The following AFDN variants were observed in gnomAD, a reference collection of about 807,000 sequenced individuals.
AFDN encodes afadin.
A neutral mutation model predicts 216.6 loss-of-function variants in AFDN; 68 were observed. The observed-to-expected ratio is 0.31, with a 90% CI of 0.26 to 0.38. The LOEUF (loss-of-function observed/expected upper bound fraction) is 0.38. Among genes scored for constraint, AFDN ranks in the 10% least tolerant of loss-of-function variants. The pLI is 1.00. For synonymous variants in AFDN, 868 were observed against 853.7 expected, an observed-to-expected ratio of 1.02 and a Z score of -0.29; for missense variants, 2,136 against 2,342.0, an observed-to-expected ratio of 0.91 and a Z score of 1.82.
intron 11 of AFDN, among the ~76,000 whole-genome samples, chr6:167,901,199 A>G (rs1172359545): frequency 6.6e-6 from 1 of 152,184 alleles, no homozygotes; most frequent in Non-Finnish European, 1.5e-5. Flanking sequence ...ATATTTTTCA[A>G]GTATTATAAC....
Position 167,925,035 on chromosome 6 carries a change from A to G in AFDN, c.3043A>G (p.Ile1015Val). The G allele has an allele frequency of 6.2e-7, 1 of 1,613,978 alleles. No individual in the cohort carries two copies. Among genetic ancestry groups the G allele is most frequent in the Non-Finnish European group, 8.5e-7 (1 of 1,179,850 alleles). Residue 1015 changes from isoleucine to valine, a missense_variant, in exon 23 of 34, where the codon ATC becomes GTC. Transcript: ENST00000683244. ...GCCTCTGAGGAAAGAACCTGAAATA[A>G]TCACTGTGACCCTAAAAAAGCAGAA... ...AQPLRKEPEI[I>V]TVTLKKQNGM...
At chr6:167,917,054 G>A (rs748484948) in intron 19 of AFDN, 35 bp from the exon 20 acceptor site, 8 of 1,585,998 alleles carry the variant, frequency 5.0e-6, no homozygotes, top group African/African-American at 2.7e-5. Flanking sequence ...AACTTTACAA[G>A]TGTGATATTT....
Position 167,872,365 on chromosome 6 carries a change from A to G in AFDN, c.566A>G (p.Gln189Arg). 1.2e-6 allele frequency: 2 copies of G among 1,609,324 alleles called. No individual in the cohort carries two copies. Among genetic ancestry groups the G allele is most frequent in the East Asian group, 2.2e-5 (1 of 44,840 alleles). The change falls in exon 4 of 34, where the codon CAA becomes CGA. Residue 189 changes from glutamine (Q) to arginine (R), a missense_variant. By Grantham distance (43) the Gln-to-Arg change is conservative (BLOSUM62 1). Transcript: ENST00000683244. Reference sequence around the variant, plus strand: ...TCTGATAAAGATGATAGACCTTTCCAAGGGGAGGATGTGTAAGTCAGTTTT... The same window carrying G: ...TCTGATAAAGATGATAGACCTTTCCGAGGGGAGGATGTGTAAGTCAGTTTT... Reference protein sequence around the residue: ...QASDKDDRPFQGEDVENSRLA... With the variant: ...QASDKDDRPFRGEDVENSRLA...
chr6:167,836,512 T>G (rs985013277), intron 1 of AFDN, among the ~76,000 whole-genome samples: 2 of 152,172 alleles, frequency 1.3e-5, no homozygotes, highest in African/African-American at 4.8e-5. Flanking sequence ...TTTTAATACT[T>G]CAAAATAATA....
chr6:167,878,978 C>T (rs1244826048), intron 5 of AFDN, among the ~76,000 whole-genome samples: 2 of 152,158 alleles, frequency 1.3e-5, no homozygotes, highest in African/African-American at 4.8e-5. Context: ...TTTCTCACAA[C>T]CTTATATTTT....
In AFDN at chr6:167,834,441, T is replaced by C. The variant is rs896091180; in HGVS notation, c.105+7204T>C. On this transcript the variant is annotated intron_variant, in intron 1 of 33. Coordinates refer to ENST00000683244, the MANE Select transcript of AFDN (RefSeq NM_001386888.1). ...TGCCATTAATTGGAATGATTTTTGT[T>C]GTTGTTGTTGTTTCGGTTTTTTTTT... Among the ~76,000 whole-genome samples the C allele has an allele frequency of 4.7e-5, 7 of 149,950 alleles. No individual in the cohort carries two copies. The Admixed American group carries it at 4.7e-4, about 10-fold the overall frequency.
chr6:167,947,581 T>C (rs1795468443), intron 27 of AFDN, among the ~76,000 whole-genome samples: 1 of 152,238 alleles, frequency 6.6e-6, no homozygotes, highest in African/African-American at 2.4e-5. Flanking sequence ...AGTATTTACT[T>C]TCTGGCCTAT....
At chr6:167,905,836 T>G (rs1196428124) in intron 12 of AFDN, among the ~76,000 whole-genome samples, 2 of 152,214 alleles carry the variant, frequency 1.3e-5, no homozygotes, top group Non-Finnish European at 2.9e-5. Context: ...CCGGATGTGG[T>G]GGCTCACGCC....
chr6:167,890,556 T>G (rs998824009), intron 7 of AFDN, among the ~76,000 whole-genome samples: 1 of 152,232 alleles, frequency 6.6e-6, no homozygotes, highest in South Asian at 2.1e-4. Flanking sequence ...TAGAGTTGTT[T>G]ACTAATGTAA....
At chr6:167,858,407 T>A (rs1358254749) in intron 1 of AFDN, among the ~76,000 whole-genome samples, 1 of 152,210 alleles carries the variant, frequency 6.6e-6, no homozygotes, top group Non-Finnish European at 1.5e-5. Context: ...GGATGGATTT[T>A]TGTTAGAGTT....
chr6:167,828,339 T>A (rs1242780223), intron 1 of AFDN, among the ~76,000 whole-genome samples: 2 of 152,236 alleles, frequency 1.3e-5, no homozygotes, highest in Non-Finnish European at 2.9e-5. Context: ...TTTGAGAGAA[T>A]TTGACTATTG....
At chr6:167,827,323 G>A in intron 1 of AFDN, 86 bp downstream of exon 1, 1 of 348,872 alleles carries the variant, frequency 2.9e-6, no homozygotes, top group Non-Finnish European at 3.5e-6. Flanking sequence ...CCCGCCAGCC[G>A]CGGACCCGCC....
intron 29 of AFDN, among the ~76,000 whole-genome samples, chr6:167,949,820 T>C (rs2128673328): frequency 6.7e-6 from 1 of 149,588 alleles, no homozygotes; most frequent in African/African-American, 2.5e-5. Flanking sequence ...CGTCTTCACA[T>C]TTATAGTATA....
rs759864399 is a variant in AFDN at position 167,951,247 on chromosome 6, G to A, written c.3893G>A (p.Arg1298Gln). The change falls in exon 30 of 34, where the codon CGA (arginine) becomes CAA (glutamine). Residue 1298 changes from arginine to glutamine, a missense_variant. Physicochemically the swap from Arg to Gln is conservative, Grantham distance 43. Around this residue, in one of 8 missense-constraint regions of AFDN, gnomAD observed 981 missense variants for 966.0 expected, o/e 1.02. Transcript: ENST00000683244. This position sits in a 1 kb window ranked among gnomAD's most constrained non-coding sequence, Gnocchi z 7.1. ...EDKAYQLERH[R>Q]IEAAMDRKSD... ...AAAGCTTACCAACTTGAGCGGCATC[G>A]AATAGAGGCAGCTATGGACCGAAAG... The A allele has an allele frequency of 6.8e-6, 11 of 1,610,548 alleles. No homozygotes were observed. Among genetic ancestry groups the A allele is most frequent in the East Asian group, 2.2e-5 (1 of 44,868 alleles).
chr6:167,914,120 T>A (rs902062451), intron 16 of AFDN, 48 bp from the exon 17 acceptor site: 1 of 1,598,036 alleles, frequency 6.3e-7, no homozygotes, highest in Admixed American at 1.7e-5. Flanking sequence ...ATATTTTTAT[T>A]ACTTTTGTTT....
At chr6:167,870,293 T>G in intron 2 of AFDN, 93 bp from the exon 3 acceptor site, 1 of 716,462 alleles carries the variant, frequency 1.4e-6, no homozygotes, top group Admixed American at 2.7e-5. Context: ...GTGCTTTGTC[T>G]ATAAAATTAA....
intron 7 of AFDN, 61 bp downstream of exon 7, chr6:167,889,387 C>T (rs1787280968): frequency 8.9e-7 from 1 of 1,128,934 alleles, no homozygotes; most frequent in Non-Finnish European, 1.3e-6. Context: ...CAGGTGTTCA[C>T]CTTATCACAT....
In AFDN at chr6:167,969,964, A is replaced by AC. The variant is rs1797915221; in HGVS notation, c.*33dup. The AC allele has an allele frequency of 6.3e-7, 1 of 1,577,880 alleles. No homozygotes were observed. The highest frequency in any genetic ancestry group is 1.4e-5 in the African/African-American group (1 of 72,816). ...AAAATGAGGAGAACACTTTGTATTT[A>AC]CCCCAAAATCTTTTCAGTTGTGGGT... is the stretch of plus-strand genomic sequence containing the variant. On this transcript the variant is annotated 3_prime_UTR_variant, in exon 34 of 34. Transcript: ENST00000683244.
At chr6:167,893,713 G>T in intron 8 of AFDN, 149 bp from the exon 9 acceptor site, 1 of 657,754 alleles carries the variant, frequency 1.5e-6, no homozygotes, top group South Asian at 1.7e-5. Flanking sequence ...GCTGATGGGT[G>T]AAGTGTACCT....
Sources: allele counts gnomAD v4.1 joint callset (sites outside exome capture counted in the v4.1 genomes callset), GRCh38; gene constraint gnomAD v4.1.1; regional missense constraint gnomAD v4.1.1; non-coding constraint Gnocchi (gnomAD v3.1); transcripts MANE v1.5; gene names NCBI Gene and HGNC (gene_info 2026-07-23, HGNC 2026-07-21).